The following KPNA7 variants were observed in gnomAD, a reference collection of about 807,000 sequenced individuals.
The protein encoded by KPNA7 is karyopherin subunit alpha 7.
A neutral mutation model predicts 53.7 loss-of-function variants in KPNA7; 54 were observed. That is an observed-to-expected ratio of 1.01 (90% CI 0.81 to 1.26). The LOEUF is 1.26. KPNA7 is among the 50% of genes most tolerant of loss of function. KPNA7 has a pLI of 0.00. For missense variants in KPNA7, 640 were observed against 644.5 expected (o/e 0.99, Z 0.07); for synonymous variants, 276 against 259.3 (o/e 1.06, Z -0.62).
intron 2 of KPNA7, among the ~76,000 whole-genome samples, chr7:99,203,733 T>C (rs1790664140): frequency 6.6e-6 from 1 of 152,028 alleles, no homozygotes; most frequent in African/African-American, 2.4e-5. Context: ...CTTTTTGAGA[T>C]GGAGTCTCAC....
chr7:99,199,065 GAAAAAAAAA>G (rs67877761), intron 3 of KPNA7, among the ~76,000 whole-genome samples: 2 of 61,148 alleles, frequency 3.3e-5, no homozygotes, highest in African/African-American at 6.7e-5. Flanking sequence ...GCTGCAAACT[GAAAAAAAAA>G]AAAAAAAAAA....
At chr7:99,150,296 A>G in the KPNA7 span, among the ~76,000 whole-genome samples, 10 of 152,044 alleles carry the variant, frequency 6.6e-5, no homozygotes, top group African/African-American at 2.2e-4. Flanking sequence ...GGGTTTCACT[A>G]TGTTGGCCAG....
At chr7:99,165,053 ATCACTTGAGCCTAGGAGGCAGAGGT>A in the KPNA7 span, among the ~76,000 whole-genome samples, 1 of 152,320 alleles carries the variant, frequency 6.6e-6, no homozygotes, top group South Asian at 2.1e-4. Flanking sequence ...AGGCAGGAGG[ATCACTTGAGCCTAGGAGGCAGAGGT>A]TGCAGTGAGC....
At chr7:99,163,952 C>T in the KPNA7 span, among the ~76,000 whole-genome samples, 2 of 151,988 alleles carry the variant, frequency 1.3e-5, no homozygotes, top group African/African-American at 4.8e-5. Flanking sequence ...CATCTCACAC[C>T]AGTTAGAATG....
At chr7:99,214,442 CAAAAAAAAACAA>C (rs1791154335) in intron 1 of KPNA7, among the ~76,000 whole-genome samples, 1 of 136,330 alleles carries the variant, frequency 7.3e-6, no homozygotes, top group African/African-American at 2.7e-5. Flanking sequence ...GACCCTATCT[CAAAAAAAAACAA>C]AAAACAAAAA....
intron 10 of KPNA7, among the ~76,000 whole-genome samples, chr7:99,175,423 C>A (rs1166604379): frequency 6.6e-6 from 1 of 151,912 alleles, no homozygotes; most frequent in Non-Finnish European, 1.5e-5. Flanking sequence ...AAGCAATCCA[C>A]CTGTCTTAGC....
At chr7:99,206,979 A>G (rs1164878055) in intron 2 of KPNA7, among the ~76,000 whole-genome samples, 2 of 152,100 alleles carry the variant, frequency 1.3e-5, no homozygotes, top group Non-Finnish European at 2.9e-5. Flanking sequence ...CATCTATCTA[A>G]AGAATCTTTT....
At chr7:99,202,528 G>A (rs1367302811) in intron 3 of KPNA7, among the ~76,000 whole-genome samples, 5 of 152,012 alleles carry the variant, frequency 3.3e-5, no homozygotes, top group African/African-American at 1.2e-4. Context: ...CTTAGGGATA[G>A]CAAGTAAATT....
intron 6 of KPNA7, among the ~76,000 whole-genome samples, chr7:99,190,105 G>C (rs369863442): frequency 1.3e-5 from 2 of 152,012 alleles, no homozygotes; most frequent in Non-Finnish European, 2.9e-5. Context: ...TTGGGAGGCC[G>C]AGGCAGGTGG....
intron 2 of KPNA7, among the ~76,000 whole-genome samples, chr7:99,205,985 G>T (rs984784652): frequency 6.6e-6 from 1 of 152,156 alleles, no homozygotes; most frequent in African/African-American, 2.4e-5. Context: ...CAACCTGGAA[G>T]CAAGAACAGC....
At chr7:99,177,196 AATG>A (rs773990691) in intron 10 of KPNA7, among the ~76,000 whole-genome samples, 6 of 152,144 alleles carry the variant, frequency 3.9e-5, no homozygotes, top group Non-Finnish European at 7.4e-5. Flanking sequence ...CAGAAAGCAA[AATG>A]ATGGTTACTA....
chr7:99,218,404 G>A (rs1791266488), intron 1 of KPNA7, among the ~76,000 whole-genome samples: 1 of 152,074 alleles, frequency 6.6e-6, no homozygotes, highest in African/African-American at 2.4e-5. Context: ...ACCTGTGAAA[G>A]ATATAAAAGC....
chr7:99,188,590 T>C (rs138295372), intron 6 of KPNA7, 27 bp from the exon 7 acceptor site: 16 of 1,546,370 alleles, frequency 1.0e-5, no homozygotes, highest in East Asian at 4.9e-5. Context: ...GCCTCCAGCA[T>C]TGGGTGCAAA....
intron 5 of KPNA7, 38 bp from the exon 6 acceptor site, chr7:99,193,139 C>A: frequency 1.5e-6 from 2 of 1,303,052 alleles, no homozygotes; most frequent in Admixed American, 3.1e-5. Flanking sequence ...AGAGAGAGAA[C>A]AAAGACAATC....
At chr7:99,218,885 G>A (rs934341304) in intron 1 of KPNA7, among the ~76,000 whole-genome samples, 11 of 152,258 alleles carry the variant, frequency 7.2e-5, no homozygotes, top group Non-Finnish European at 1.5e-4. Flanking sequence ...GAAGGACTCA[G>A]CCACGTCTGG....
downstream of KPNA7, among the ~76,000 whole-genome samples, chr7:99,172,148 G>A (rs1798781532): frequency 2.0e-5 from 3 of 152,132 alleles, no homozygotes; most frequent in Admixed American, 6.6e-5. Context: ...AGATATCTAC[G>A]ATGCGAAGAA....
rs754881370 is a variant in KPNA7, at chr7:99,207,613, C to CTTTTT, written c.-23-129_-23-125dup. On this transcript the variant is annotated intron_variant, in intron 1 of 10. Coordinates refer to ENST00000327442, the MANE Select transcript of KPNA7 (RefSeq NM_001145715.3). ...GCAAAGGGCAGACCCAGGAAGCTAG[C>CTTTTT]TTTTTTTTTTTTTTTTTTTTTTTTT... 2.6e-4 allele frequency: 32 copies of CTTTTT among 123,054 alleles called. 6 individuals carry two copies. The highest frequency in any genetic ancestry group is 8.3e-4 in the African/African-American group (13 of 15,604). 7.6% of individuals were successfully genotyped at this position (123,054 alleles called of 1,614,324 possible).
intron 7 of KPNA7, among the ~76,000 whole-genome samples, chr7:99,186,811 C>T (rs545904047): frequency 1.4e-4 from 22 of 152,108 alleles, no homozygotes; most frequent in Middle Eastern, 3.4e-3. Flanking sequence ...AGCACTATCC[C>T]GAAACCAACT....
chr7:99,204,374 C>T (rs545401338), intron 2 of KPNA7, among the ~76,000 whole-genome samples: 1 of 148,722 alleles, frequency 6.7e-6, no homozygotes, highest in South Asian at 2.2e-4. Context: ...CCTGCCTCTA[C>T]AAATCTCTCT....
Sources: allele counts gnomAD v4.1 joint callset (sites outside exome capture counted in the v4.1 genomes callset), GRCh38; gene constraint gnomAD v4.1.1; transcripts MANE v1.5; gene names NCBI Gene and HGNC (gene_info 2026-07-23, HGNC 2026-07-21).